SVIL: variants seen among roughly 807,000 people sequenced by gnomAD.
SVIL encodes the protein supervillin.
In SVIL, 101 loss-of-function variants were observed where a neutral mutation model predicts 240.4. The ratio of observed to expected loss-of-function variants is 0.42; its 90% CI spans 0.36 to 0.50. The LOEUF (loss-of-function observed/expected upper bound fraction) is 0.50. Among genes scored for constraint, SVIL ranks in the 20% least tolerant of loss-of-function variants. The probability of loss-of-function intolerance (pLI) is 0.01; values close to 1 mark genes in which losing one functional copy is unlikely to be tolerated. For synonymous variants in SVIL, 999 were observed against 1,100.0 expected (o/e 0.91, Z 1.82); for missense variants, 2,512 against 2,818.7 (o/e 0.89, Z 2.46).
chr10:29,553,009 A>T (rs960377685), intron 5 of SVIL, among the ~76,000 whole-genome samples: 11 of 151,802 alleles, frequency 7.2e-5, no homozygotes, highest in Non-Finnish European at 1.2e-4. Flanking sequence ...TAAGAGGTGG[A>T]GTCTGGCCGT....
intron 3 of SVIL, among the ~76,000 whole-genome samples, chr10:29,557,353 C>A (rs536947818): frequency 6.6e-6 from 1 of 152,166 alleles, no homozygotes; most frequent in Non-Finnish European, 1.5e-5. Context: ...TTGCCTTGGC[C>A]TCCCAAAGTG....
intron 1 of SVIL, among the ~76,000 whole-genome samples, chr10:29,597,691 C>T (rs1009896909): frequency 3.9e-5 from 6 of 152,116 alleles, no homozygotes; most frequent in Admixed American, 2.6e-4. Context: ...TGAACCACCA[C>T]GCCAGGCCTA....
intron 1 of SVIL, among the ~76,000 whole-genome samples, chr10:29,700,711 G>C (rs7075827): frequency 0.091 from 13,897 of 152,004 alleles, 1,000 homozygotes; most frequent in African/African-American, 0.2. Flanking sequence ...CTGACCTCAT[G>C]ATCCGCCTGC....
intron 1 of SVIL, among the ~76,000 whole-genome samples, chr10:29,694,887 A>G (rs1961806336): frequency 1.3e-5 from 2 of 152,224 alleles, no homozygotes; most frequent in Admixed American, 1.3e-4. Context: ...GAGGGACAGA[A>G]TTATAAGGAA....
At chr10:29,468,005 ACT>A (rs752203440) in intron 32 of SVIL, 130 bp from the exon 33 acceptor site, 35 of 1,048,226 alleles carry the variant, frequency 3.3e-5, no homozygotes, top group South Asian at 1.2e-4. Context: ...CATAAAATTC[ACT>A]CTTTTTATGT....
intron 33 of SVIL, 39 bp downstream of exon 33, chr10:29,467,703 A>G (rs1945084617): frequency 6.2e-7 from 1 of 1,611,892 alleles, no homozygotes; most frequent in South Asian, 1.1e-5. Flanking sequence ...CCAAAAACAA[A>G]CAAAAAAACC....
At chr10:29,598,063 T>A (rs1308164495) in intron 1 of SVIL, among the ~76,000 whole-genome samples, 1 of 152,056 alleles carries the variant, frequency 6.6e-6, no homozygotes, top group Non-Finnish European at 1.5e-5. Flanking sequence ...GGAATATTAT[T>A]CAGCCTTTCA....
At chr10:29,592,528 C>T (rs1264266504) in intron 1 of SVIL, among the ~76,000 whole-genome samples, 1 of 152,174 alleles carries the variant, frequency 6.6e-6, no homozygotes, top group Non-Finnish European at 1.5e-5. Flanking sequence ...TGCGATTCTT[C>T]CAGTTAACAG....
intron 1 of SVIL, among the ~76,000 whole-genome samples, chr10:29,633,993 C>T (rs1344311922): frequency 6.6e-6 from 1 of 152,124 alleles, no homozygotes; most frequent in Non-Finnish European, 1.5e-5. Context: ...TCTATTTTTA[C>T]ATGAATTATA....
chr10:29,656,365 C>T (rs959572445), intron 3 of SVIL, among the ~76,000 whole-genome samples: 4 of 151,864 alleles, frequency 2.6e-5, no homozygotes, highest in African/African-American at 7.3e-5. Flanking sequence ...ATTTTAAAGT[C>T]CCCACCCATC....
chr10:29,478,765 A>G lies in SVIL; in HGVS notation c.5377+1772T>C, dbSNP rs148490675. 2.1e-3 allele frequency among the ~76,000 whole-genome samples: 317 copies of G among 151,812 alleles called. 1 individual carries two copies. Among genetic ancestry groups the G allele is most frequent in the African/African-American group, 7.4e-3 (305 of 41,370 alleles). ...GTGAGACCTCATCTCTTAAAAAAAA[A>G]AAGAAAAAATTAGCTTGATAATGGT... On this transcript the variant is annotated intron_variant, in intron 29 of 37. Transcript: ENST00000355867.
At chr10:29,657,949 T>G (rs1481508178) in intron 3 of SVIL, 1 of 152,246 alleles carries the variant, frequency 6.6e-6, no homozygotes, top group African/African-American at 2.4e-5. Context: ...AAGTGTCATA[T>G]TTCTTTCCTC....
In SVIL at chr10:29,532,168, A is replaced by T; in HGVS notation, c.1843T>A (p.Ser615Thr). 6.2e-7 allele frequency: 1 copy of T among 1,613,466 alleles called. No homozygotes were observed. The highest frequency in any genetic ancestry group is 8.5e-7 in the Non-Finnish European group (1 of 1,179,752). ...ANACRRPELK[S>T]RVERSAEGPG... ...CCTTCAGCCGACCTCTCCACCCGTGATTTGCTTTGAGAATCAAAGGGCAGA... is the reference window on the plus strand; with the variant it reads ...CCTTCAGCCGACCTCTCCACCCGTGTTTTGCTTTGAGAATCAAAGGGCAGA... The change falls in exon 9 of 38, where the codon TCA (serine) becomes ACA (threonine). Residue 615 changes from serine (S) to threonine (T), a missense_variant. Physicochemically the swap from Ser to Thr is moderately conservative, Grantham distance 58. Transcript: ENST00000355867.
intron 16 of SVIL, among the ~76,000 whole-genome samples, chr10:29,515,373 G>A (rs1313035959): frequency 7.2e-5 from 11 of 152,182 alleles, no homozygotes; most frequent in Non-Finnish European, 1.0e-4. Context: ...TATTTTGAAT[G>A]AGTCAGTTTT....
intron 30 of SVIL, among the ~76,000 whole-genome samples, chr10:29,472,277 A>G (rs917315826): frequency 2.0e-5 from 3 of 152,246 alleles, no homozygotes; most frequent in African/African-American, 7.2e-5. Flanking sequence ...GGGGTAGTTG[A>G]AATGGCTATT....
At chr10:29,595,332 G>C (rs568007301) in intron 1 of SVIL, among the ~76,000 whole-genome samples, 1 of 152,188 alleles carries the variant, frequency 6.6e-6, no homozygotes, top group Non-Finnish European at 1.5e-5. Flanking sequence ...AGTTTGCTAG[G>C]GTAAGAATGG....
intron 1 of SVIL, among the ~76,000 whole-genome samples, chr10:29,720,859 GTTTT>G (rs1212033288): frequency 6.6e-6 from 1 of 152,136 alleles, no homozygotes; most frequent in Non-Finnish European, 1.5e-5. Flanking sequence ...TTGTTGGTTT[GTTTT>G]TTGAGACACA....
At chr10:29,732,351 C>G (rs1454617132) in intron 1 of SVIL, among the ~76,000 whole-genome samples, 1 of 151,660 alleles carries the variant, frequency 6.6e-6, no homozygotes, top group Non-Finnish European at 1.5e-5. Context: ...TATAAAATAG[C>G]AAAAAATGAT....
Position 29,477,691 on chromosome 10 carries a change from C to G in SVIL, c.5377+2846G>C, listed in dbSNP as rs182466288. On this transcript the variant is annotated intron_variant, in intron 29 of 37. Transcript: ENST00000355867. Reference sequence around the variant, plus strand: ...AAGTGCCATCGGGCTGTGCTTCCCCCCTGCTGGAGGGATGGTCTGGAATCT... The same window carrying G: ...AAGTGCCATCGGGCTGTGCTTCCCCGCTGCTGGAGGGATGGTCTGGAATCT... Among the ~76,000 whole-genome samples the G allele has an allele frequency of 5.3e-5, 8 of 152,354 alleles. No individual in the cohort carries two copies. The South Asian group carries it at 1.0e-3, about 20-fold the overall frequency.
Sources: gnomAD v4.1 joint callset for allele counts (sites outside exome capture counted in the v4.1 genomes callset) on GRCh38, gnomAD v4.1.1 for gene constraint, MANE v1.5 for transcripts, NCBI Gene and HGNC (gene_info 2026-07-23, HGNC 2026-07-21) for gene names.